SETX: variants seen among roughly 807,000 people sequenced by gnomAD.
The protein encoded by SETX is helicase senataxin.
SETX carries 90 observed loss-of-function variants against 227.2 expected under a neutral mutation model. That is an observed-to-expected ratio of 0.40 (90% CI 0.33 to 0.47). The LOEUF is 0.47. Among genes scored for constraint, SETX ranks in the 20% least tolerant of loss-of-function variants. The pLI is 0.91. For synonymous variants in SETX, 1,210 were observed against 1,113.2 expected (o/e 1.09, Z -1.73); for missense variants, 3,052 against 3,181.5 (o/e 0.96, Z 0.98).
At chr9:132,342,227 GCTTC>G (rs1372945720) in intron 5 of SETX, among the ~76,000 whole-genome samples, 2 of 152,110 alleles carry the variant, frequency 1.3e-5, no homozygotes. Context: ...AATGCTATCT[GCTTC>G]TGTTCCTGCT....
At chr9:132,310,654 G>A (rs148002524) in intron 11 of SETX, among the ~76,000 whole-genome samples, 92 of 152,216 alleles carry the variant, frequency 6.0e-4, no homozygotes, top group African/African-American at 2.2e-3. Context: ...CCAAACATCC[G>A]CTTTCTTTCT....
At chr9:132,312,778 T>C (rs1251293918) in intron 10 of SETX, among the ~76,000 whole-genome samples, 2 of 152,208 alleles carry the variant, frequency 1.3e-5, no homozygotes, top group Non-Finnish European at 2.9e-5. Flanking sequence ...AGAATCATCA[T>C]CAAAAGTGCA....
At chr9:132,336,633 A>G (rs1198702559) in intron 5 of SETX, 118 bp from the exon 6 acceptor site, 1 of 784,630 alleles carries the variant, frequency 1.3e-6, no homozygotes, top group Admixed American at 2.0e-5. Flanking sequence ...CATATTAATT[A>G]ATGCAATGTG....
At chr9:132,306,702 GT>G (rs1845354924) in intron 11 of SETX, among the ~76,000 whole-genome samples, 1 of 152,070 alleles carries the variant, frequency 6.6e-6, no homozygotes, top group Non-Finnish European at 1.5e-5. Flanking sequence ...AGTTCTATCA[GT>G]TTTATTTATT....
rs371645155 is a variant in SETX, at chr9:132,310,594, T to C, written c.5374+1163A>G. Among the ~76,000 whole-genome samples, 21 of 152,336 alleles carry C rather than the reference T, an allele frequency of 1.4e-4. No individual in the cohort carries two copies. The South Asian group carries it at 4.1e-3, about 30-fold the overall frequency. ...TAGGACAGTTCTCATCATTCCCTAA[T>C]AAAAATGGCTCACTGTTACTAAACC... On this transcript the variant is annotated intron_variant, in intron 11 of 25. Coordinates refer to ENST00000224140, the MANE Select transcript of SETX (RefSeq NM_015046.7).
chr9:132,316,008 C>T (rs1845944868), intron 10 of SETX, among the ~76,000 whole-genome samples: 1 of 152,194 alleles, frequency 6.6e-6, no homozygotes, highest in African/African-American at 2.4e-5. Flanking sequence ...CTGGGACTGA[C>T]TCACATAGTA....
rs574040618 is a variant in SETX at position 132,305,130 on chromosome 9, G to A, written c.5375-4327C>T. Among the ~76,000 whole-genome samples, 5 of 151,926 alleles carry A rather than the reference G, an allele frequency of 3.3e-5. No individual in the cohort carries two copies. In the South Asian group the frequency reaches 8.3e-4, roughly 25 times the overall value. On this transcript the variant is annotated intron_variant, in intron 11 of 25. Transcript: ENST00000224140. The stretch of plus-strand genomic sequence containing the variant: ...AGCACTTTGGGAGGCCGAGGCGGGC[G>A]GATCACGAGGTTAGGAGATCAAGAC...
chr9:132,351,702 T>C (rs1368522122), intron 2 of SETX, among the ~76,000 whole-genome samples: 2 of 152,230 alleles, frequency 1.3e-5, no homozygotes, highest in African/African-American at 2.4e-5. Flanking sequence ...GAAACCTCAA[T>C]AGGGCATATT....
At chr9:132,282,473 A>G (rs1843599115) in intron 19 of SETX, among the ~76,000 whole-genome samples, 1 of 151,892 alleles carries the variant, frequency 6.6e-6, no homozygotes, top group African/African-American at 2.4e-5. Flanking sequence ...TCTTTTTAGT[A>G]GAGACAAGGT....
intron 11 of SETX, among the ~76,000 whole-genome samples, chr9:132,307,804 T>G (rs1303281556): frequency 6.6e-6 from 1 of 151,484 alleles, no homozygotes; most frequent in Non-Finnish European, 1.5e-5. Flanking sequence ...CCGGCCTCCC[T>G]AGTAGCTGGG....
intron 25 of SETX, among the ~76,000 whole-genome samples, chr9:132,268,147 A>G (rs1842734033): frequency 6.6e-6 from 1 of 152,248 alleles, no homozygotes; most frequent in Non-Finnish European, 1.5e-5. Context: ...CAGGAAAAGC[A>G]ATTTTTAAAA....
At position 132,334,663 on chromosome 9, in the gene SETX, G is replaced by A. The variant is rs1471562108; in HGVS notation, c.783C>T (p.Asp261=). 6.2e-7 allele frequency: 1 copy of A among 1,613,862 alleles called. No individual in the cohort carries two copies. The highest frequency in any genetic ancestry group is 8.5e-7 in the Non-Finnish European group (1 of 1,179,906). The change falls in exon 7 of 26, where the codon GAC becomes GAT. Residue 261 remains aspartate, a synonymous_variant. Transcript: ENST00000224140. ...QAMDSLLLGS[D]KQNDFMQSIL... is the part of the protein sequence containing the mutation. ...TCGATTGCATAAAATCATTTTGTTTGTCTGAGCCCAACAACAGGGAATCCA... is the reference window on the plus strand; with the variant it reads ...TCGATTGCATAAAATCATTTTGTTTATCTGAGCCCAACAACAGGGAATCCA...
rs113154441 is a variant in SETX at position 132,278,494 on chromosome 9, A to G, written c.6655-237T>C. ...TTTGGAGACACAGTCTCGCTCTGTC[A>G]CCCAGGCTGGAGTGCAGTGGCGTGA... On this transcript the variant is annotated intron_variant, in intron 20 of 25. Transcript: ENST00000224140. Among the ~76,000 whole-genome samples, 12,483 of 119,786 alleles carry G rather than the reference A, an allele frequency of 0.1. 635 individuals are homozygous for G. The highest frequency in any genetic ancestry group is 0.22 in the Middle Eastern group (33 of 148). The allele number at this position is 119,786 out of a possible 152,430, so 78.6% of individuals were successfully genotyped here.
In SETX at chr9:132,330,923, G is replaced by A. The variant is rs745538569; in HGVS notation, c.1098+129C>T. 8.0e-6 allele frequency: 6 copies of A among 752,852 alleles called. No homozygotes were observed. In the Admixed American group the frequency reaches 1.2e-4, roughly 15 times the overall value. The allele number at this position is 752,852 out of a possible 1,614,324, so 46.6% of individuals were successfully genotyped here. ...AATACATCTGCTGTTCAATGAGAAG[G>A]GCTTTTACATAGCAGTAGATTGAGA... On this transcript the variant is annotated intron_variant, in intron 9 of 25. Transcript: ENST00000224140.
intron 25 of SETX, among the ~76,000 whole-genome samples, chr9:132,268,018 T>C (rs966889181): frequency 6.6e-6 from 1 of 152,254 alleles, no homozygotes; most frequent in African/African-American, 2.4e-5. Flanking sequence ...GGTTTAAACA[T>C]GATCAAAATC....
At chr9:132,299,973 A>G (rs1370037198) in intron 12 of SETX, among the ~76,000 whole-genome samples, 1 of 151,994 alleles carries the variant, frequency 6.6e-6, no homozygotes, top group East Asian at 1.9e-4. Flanking sequence ...CACTAAAAAC[A>G]CAAAAAATTA....
At chr9:132,298,448 G>A in intron 12 of SETX, 136 bp from the exon 13 acceptor site, 2 of 790,056 alleles carry the variant, frequency 2.5e-6, no homozygotes, top group South Asian at 1.5e-5. Flanking sequence ...AAATATTTAT[G>A]GACTGCTTCC....
intron 20 of SETX, 137 bp from the exon 21 acceptor site, chr9:132,278,394 G>T: frequency 2.1e-6 from 1 of 486,338 alleles, no homozygotes. Context: ...CAGCTTCAGA[G>T]AAAAAAGGTG....
At chr9:132,292,722 C>T (rs1844415056) in intron 15 of SETX, among the ~76,000 whole-genome samples, 2 of 151,412 alleles carry the variant, frequency 1.3e-5, no homozygotes, top group African/African-American at 2.4e-5. Context: ...CTCCGCCTCC[C>T]GGGTTCACCC....
Sources: allele counts gnomAD v4.1 joint callset (sites outside exome capture counted in the v4.1 genomes callset), GRCh38; gene constraint gnomAD v4.1.1; transcripts MANE v1.5; gene names NCBI Gene and HGNC (gene_info 2026-07-23, HGNC 2026-07-21).